Variants in CPSF4L observed in about 807,000 individuals in gnomAD.
The protein encoded by CPSF4L is putative cleavage and polyadenylation specificity factor subunit 4-like protein.
In CPSF4L, 18 loss-of-function variants were observed where a neutral mutation model predicts 24.0. The observed-to-expected ratio is 0.75, with a 90% CI of 0.52 to 1.11. The LOEUF (loss-of-function observed/expected upper bound fraction) is 1.11. Ranked by LOEUF, CPSF4L falls within the 50% of genes least tolerant of loss-of-function variation. The pLI is 0.00. For missense variants in CPSF4L, 211 were observed against 221.8 expected (o/e 0.95, Z 0.31); for synonymous variants, 72 against 77.2 (o/e 0.93, Z 0.35).
chr17:73,244,192 A>G (rs959959333), downstream of CPSF4L, among the ~76,000 whole-genome samples: 1 of 152,216 alleles, frequency 6.6e-6, no homozygotes, highest in Non-Finnish European at 1.5e-5. Flanking sequence ...CTTCTAGTTA[A>G]AAAGATGAGT....
intron 2 of CPSF4L, 127 bp from the exon 3 acceptor site, chr17:73,257,960 C>A: frequency 1.1e-6 from 1 of 936,026 alleles, no homozygotes; most frequent in Non-Finnish European, 1.6e-6. Context: ...TATCCCTTCA[C>A]CTGGACCCTG....
Position 73,261,868 on chromosome 17 carries a change from G to T in CPSF4L, c.-50C>A. On this transcript the variant is annotated 5_prime_UTR_variant, in exon 1 of 6. Transcript: ENST00000344935. The stretch of plus-strand genomic sequence containing the variant: ...GAAGCTGCTGGAACCCAGGCAGGTG[G>T]GCCCAATATAGCTCATCAGAGGCCC... 1.4e-6 allele frequency: 2 copies of T among 1,390,808 alleles called. No individual in the cohort carries two copies. The highest frequency in any genetic ancestry group is 2.0e-6 in the Non-Finnish European group (2 of 1,001,718). 86.2% of individuals were successfully genotyped at this position (1,390,808 alleles called of 1,614,324 possible).
At chr17:73,258,072 C>T (rs1449478728) in intron 2 of CPSF4L, among the ~76,000 whole-genome samples, 10 of 151,600 alleles carry the variant, frequency 6.6e-5, no homozygotes, top group African/African-American at 1.7e-4. Context: ...TGCAGCGGCG[C>T]GATCTTGGCT....
intron 1 of CPSF4L, among the ~76,000 whole-genome samples, chr17:73,261,465 T>G (rs908189345): frequency 3.3e-5 from 5 of 152,054 alleles, no homozygotes; most frequent in Admixed American, 2.6e-4. Context: ...ATTGAGACCA[T>G]CCTGGCTAAC....
chr17:73,244,708 A>G (rs1415662692), downstream of CPSF4L: 1 of 37,890 alleles, frequency 2.6e-5, no homozygotes, highest in Non-Finnish European at 6.4e-5. Context: ...CTTCTTAAGA[A>G]AAAAAAAAAT....
chr17:73,257,911 C>A, intron 2 of CPSF4L, 78 bp from the exon 3 acceptor site: 2 of 1,468,040 alleles, frequency 1.4e-6, no homozygotes, highest in South Asian at 1.3e-5. Context: ...GGGGATTCCC[C>A]AGGAGGGTAC....
downstream of CPSF4L, among the ~76,000 whole-genome samples, chr17:73,245,927 G>T (rs1490420395): frequency 6.6e-6 from 1 of 152,108 alleles, no homozygotes; most frequent in Non-Finnish European, 1.5e-5. Context: ...GCATTACTGA[G>T]AAATTCCTCT....
chr17:73,245,181 G>C (rs765917096), downstream of CPSF4L: 1 of 1,613,682 alleles, frequency 6.2e-7, no homozygotes, highest in Admixed American at 1.7e-5. Flanking sequence ...TGCAGCGGTG[G>C]CGTAAGTAGT....
At chr17:73,259,771 C>G (rs982096533) in intron 2 of CPSF4L, among the ~76,000 whole-genome samples, 2 of 152,342 alleles carry the variant, frequency 1.3e-5, no homozygotes, top group Admixed American at 1.3e-4. Flanking sequence ...GCCCCAGGTC[C>G]TCCTTTCCTG....
Position 73,249,489 on chromosome 17 carries a change from C to T in CPSF4L, c.498-953G>A, listed in dbSNP as rs538037202. Among the ~76,000 whole-genome samples the T allele has an allele frequency of 1.4e-4, 21 of 152,260 alleles. 1 individual carries two copies. In the East Asian group the frequency reaches 3.9e-3, roughly 28 times the overall value. On this transcript the variant is annotated intron_variant, in intron 5 of 5. Coordinates refer to ENST00000344935, the MANE Select transcript of CPSF4L (RefSeq NM_001129885.1). ...AACTGGCATTCAACCCCCCAAAACC[C>T]GACTCCTGGGCTCCATTCTTTTAGA...
downstream of CPSF4L, chr17:73,245,458 C>T (rs183490275): frequency 1.8e-4 from 204 of 1,137,052 alleles, 1 homozygote; most frequent in African/African-American, 3.1e-3. Context: ...TTTTGTTTAA[C>T]CATAAAGTTG....
At chr17:73,246,914 G>T (rs1483200207), downstream of CPSF4L, among the ~76,000 whole-genome samples, 4 of 152,076 alleles carry the variant, frequency 2.6e-5, no homozygotes, top group Non-Finnish European at 5.9e-5. Flanking sequence ...GATGCTTAAG[G>T]ATTCTCTCCA....
At chr17:73,253,378 T>A (rs2062012732) in intron 4 of CPSF4L, among the ~76,000 whole-genome samples, 1 of 152,104 alleles carries the variant, frequency 6.6e-6, no homozygotes, top group Non-Finnish European at 1.5e-5. Context: ...CCTACTGATC[T>A]TCTCAGCAGC....
chr17:73,246,985 A>G (rs2061959402), downstream of CPSF4L, among the ~76,000 whole-genome samples: 1 of 152,148 alleles, frequency 6.6e-6, no homozygotes, highest in Non-Finnish European at 1.5e-5. Context: ...GTAGATGAGA[A>G]TGACCTTCAG....
intron 4 of CPSF4L, among the ~76,000 whole-genome samples, chr17:73,253,435 G>A (rs530382569): frequency 8.5e-5 from 13 of 152,268 alleles, no homozygotes; most frequent in South Asian, 4.2e-4. Flanking sequence ...TAAGAACTCC[G>A]TAAGAAAAAC....
intron 3 of CPSF4L, 35 bp downstream of exon 3, chr17:73,257,645 TC>T: frequency 6.5e-7 from 1 of 1,548,144 alleles, no homozygotes; most frequent in Non-Finnish European, 8.7e-7. Flanking sequence ...ACTGCCACCC[TC>T]CAGGGTGAGG....
chr17:73,251,993 A>C (rs2062007723), intron 5 of CPSF4L, among the ~76,000 whole-genome samples: 1 of 152,242 alleles, frequency 6.6e-6, no homozygotes, highest in African/African-American at 2.4e-5. Flanking sequence ...TGGGAGGAAC[A>C]ACCACATATA....
chr17:73,250,109 AC>A, intron 5 of CPSF4L: 1 of 694,474 alleles, frequency 1.4e-6, no homozygotes, highest in Non-Finnish European at 2.2e-6. Context: ...AAAGAAATAA[AC>A]CTGCCTGCCA....
chr17:73,261,551 C>T (rs1048524906), intron 1 of CPSF4L, among the ~76,000 whole-genome samples, 165 bp downstream of exon 1: 3 of 152,202 alleles, frequency 2.0e-5, no homozygotes, highest in African/African-American at 4.8e-5. Context: ...GTCCCAGCTC[C>T]TCGGGAGGCT....
Sources: allele counts gnomAD v4.1 joint callset (sites outside exome capture counted in the v4.1 genomes callset), GRCh38; gene constraint gnomAD v4.1.1; transcripts MANE v1.5; gene names NCBI Gene and HGNC (gene_info 2026-07-23, HGNC 2026-07-21).